Variants in PRPF6 observed in about 807,000 individuals in gnomAD.
PRPF6 encodes pre-mRNA processing factor 6, also known as pre-mRNA-processing factor 6.
Under a neutral mutation model 118.3 loss-of-function variants are expected in PRPF6, and 42 were observed. The observed-to-expected ratio is 0.35, with a 90% CI of 0.28 to 0.46. PRPF6 has a LOEUF of 0.46. Ranked by LOEUF, PRPF6 falls within the 20% of genes least tolerant of loss-of-function variation. PRPF6 has a pLI of 1.00. For missense variants in PRPF6, 662 were observed against 1,255.7 expected (o/e 0.53, Z 7.15); for synonymous variants, 481 against 485.1 (o/e 0.99, Z 0.11).
At chr20:64,005,367 A>G (rs1290527639) in intron 9 of PRPF6, among the ~76,000 whole-genome samples, 1 of 152,188 alleles carries the variant, frequency 6.6e-6, no homozygotes, top group African/African-American at 2.4e-5. Flanking sequence ...CCAATGTACA[A>G]AGTATTAAGG....
chr20:63,994,881 G>T (rs1189616019), intron 4 of PRPF6, 35 bp from the exon 5 acceptor site: 10 of 1,613,730 alleles, frequency 6.2e-6, no homozygotes, highest in Non-Finnish European at 7.6e-6. Context: ...AATTCTGTCA[G>T]AGAATTAATG....
At chr20:64,008,469 C>T (rs759804723) in intron 9 of PRPF6, among the ~76,000 whole-genome samples, 5 of 151,922 alleles carry the variant, frequency 3.3e-5, no homozygotes, top group African/African-American at 7.3e-5. Flanking sequence ...ATGCAAGCAG[C>T]GTCAGGAGCT....
intron 12 of PRPF6, among the ~76,000 whole-genome samples, chr20:64,020,190 TG>T (rs1015634466): frequency 7.2e-5 from 11 of 152,028 alleles, no homozygotes; most frequent in Non-Finnish European, 1.5e-4. Context: ...CCGAGGTGGG[TG>T]GATCACTTGA....
chr20:64,009,552 G>A (rs1477718930), intron 9 of PRPF6, among the ~76,000 whole-genome samples: 3 of 151,994 alleles, frequency 2.0e-5, no homozygotes, highest in Admixed American at 6.6e-5. Flanking sequence ...GTGAAACCCC[G>A]TCCCTACTAA....
intron 19 of PRPF6, among the ~76,000 whole-genome samples, chr20:64,030,484 G>A (rs559865603): frequency 3.4e-4 from 51 of 152,138 alleles, no homozygotes; most frequent in African/African-American, 1.2e-3. Context: ...TCTGGGTGCC[G>A]CCCCCACAGG....
chr20:63,989,900 A>G (rs1287851198), intron 3 of PRPF6, among the ~76,000 whole-genome samples: 1 of 152,162 alleles, frequency 6.6e-6, no homozygotes, highest in East Asian at 1.9e-4. Flanking sequence ...ATAGTAAAAT[A>G]TAGTTCTTCT....
At chr20:64,010,784 A>T (rs989460934) in intron 10 of PRPF6, among the ~76,000 whole-genome samples, 1 of 152,208 alleles carries the variant, frequency 6.6e-6, no homozygotes, top group Non-Finnish European at 1.5e-5. Context: ...TGGTTTTATG[A>T]TACCTAGTAT....
intron 9 of PRPF6, among the ~76,000 whole-genome samples, chr20:64,008,165 T>C (rs1228443990): frequency 6.6e-6 from 1 of 152,240 alleles, no homozygotes; most frequent in Non-Finnish European, 1.5e-5. Context: ...GGCACATGCA[T>C]GCATAACCAC....
rs2059217018 is a variant in PRPF6 at position 64,011,487 on chromosome 20, G to A, written c.1508G>A (p.Arg503His). The A allele has an allele frequency of 1.9e-6, 3 of 1,613,226 alleles. No homozygotes were observed. The highest frequency in any genetic ancestry group is 2.2e-5 in the East Asian group (1 of 44,886). Residue 503 changes from arginine to histidine, a missense_variant, in exon 11 of 21, where the codon CGT (arginine) becomes CAT (histidine). Physicochemically the swap from Arg to His is conservative, Grantham distance 29. Coordinates refer to ENST00000266079, the MANE Select transcript of PRPF6 (RefSeq NM_012469.4). The surrounding 1 kb of genome is among the most constrained non-coding windows in gnomAD (Gnocchi z 6.7). ...CGGGCCAACGGTGTGGAGATCAACC[G>A]TGAGCAGTGGATCCAGGTGGGCCGC... is the stretch of plus-strand genomic sequence containing the variant. The part of the protein sequence containing the change: ...SLRANGVEIN[R>H]EQWIQDAEEC...
chr20:64,000,507 T>G (rs2059161881), intron 8 of PRPF6, among the ~76,000 whole-genome samples: 1 of 149,502 alleles, frequency 6.7e-6, no homozygotes, highest in South Asian at 2.1e-4. Flanking sequence ...AGATGTGCAG[T>G]CTCTGCTTTG....
chr20:64,017,674 C>T (rs1485996494), intron 12 of PRPF6, among the ~76,000 whole-genome samples: 2 of 152,218 alleles, frequency 1.3e-5, no homozygotes, highest in Non-Finnish European at 2.9e-5. Flanking sequence ...TGAGGCGCCA[C>T]GCCTGGCCGC....
In PRPF6 at chr20:63,996,517, G is replaced by GT. The variant is rs1601514873; in HGVS notation, c.771+1037dup. 2.6e-5 allele frequency among the ~76,000 whole-genome samples: 4 copies of GT among 152,258 alleles called. No individual in the cohort carries two copies. In the East Asian group the frequency reaches 7.7e-4, roughly 29 times the overall value. ...TTTTGTTGAGATGGGGTGTCACTAG[G>GT]TTGCCCAACCTGGGCTGGAGCTCCT... On this transcript the variant is annotated intron_variant, in intron 6 of 20. Coordinates refer to ENST00000266079, the MANE Select transcript of PRPF6 (RefSeq NM_012469.4).
intron 3 of PRPF6, 105 bp from the exon 4 acceptor site, chr20:63,993,302 A>G (rs1275994637): frequency 6.5e-6 from 4 of 610,724 alleles, no homozygotes; most frequent in African/African-American, 1.9e-5. Context: ...TTTAGCTACT[A>G]AGAGTATGGA....
At chr20:63,995,210 C>G in intron 5 of PRPF6, 117 bp from the exon 6 acceptor site, 1 of 1,574,868 alleles carries the variant, frequency 6.3e-7, no homozygotes, top group Non-Finnish European at 8.7e-7. Flanking sequence ...GTGGCCGAGT[C>G]TGTCTGCACA....
intron 6 of PRPF6, among the ~76,000 whole-genome samples, chr20:63,995,737 A>G (rs1167958026): frequency 6.6e-6 from 1 of 150,688 alleles, no homozygotes; most frequent in African/African-American, 2.4e-5. Flanking sequence ...GCTCACTGCA[A>G]CCTCCACCTC....
intron 6 of PRPF6, among the ~76,000 whole-genome samples, chr20:63,997,753 T>G (rs1239412439): frequency 6.6e-6 from 1 of 152,078 alleles, no homozygotes; most frequent in Non-Finnish European, 1.5e-5. Context: ...TTTGTATTTT[T>G]AGTTAGAGAT....
At chr20:63,993,910 C>T (rs919530163) in intron 4 of PRPF6, among the ~76,000 whole-genome samples, 2 of 151,728 alleles carry the variant, frequency 1.3e-5, no homozygotes, top group Non-Finnish European at 2.9e-5. Context: ...CCACCATACC[C>T]AGCTAATTTT....
At position 64,016,871 on chromosome 20, in the gene PRPF6, C is replaced by A. The variant is rs368286596; in HGVS notation, c.1647+26C>A. 146 of 1,613,656 alleles carry A rather than the reference C, an allele frequency of 9.0e-5. No individual in the cohort carries two copies. The African/African-American group carries it at 1.8e-3, about 19-fold the overall frequency. On this transcript the variant is annotated intron_variant, in intron 12 of 20. Coordinates refer to ENST00000266079, the MANE Select transcript of PRPF6 (RefSeq NM_012469.4). Reference sequence around the variant, plus strand: ...GTGAGTTGGCAACAGGGGCCTTTGTCCGTAATATGGAGTCTCTGCTTGTGG... The same window carrying A: ...GTGAGTTGGCAACAGGGGCCTTTGTACGTAATATGGAGTCTCTGCTTGTGG...
intron 3 of PRPF6, among the ~76,000 whole-genome samples, chr20:63,987,611 G>T (rs1396568633): frequency 6.6e-6 from 1 of 152,122 alleles, no homozygotes; most frequent in Non-Finnish European, 1.5e-5. Context: ...TAGAGCAGTC[G>T]GACCAGAGAA....
Sources: allele counts gnomAD v4.1 joint callset (sites outside exome capture counted in the v4.1 genomes callset), GRCh38; gene constraint gnomAD v4.1.1; non-coding constraint Gnocchi (gnomAD v3.1); transcripts MANE v1.5; gene names NCBI Gene and HGNC (gene_info 2026-07-23, HGNC 2026-07-21).